MLYCD: variants seen among roughly 807,000 people sequenced by gnomAD.
The protein encoded by MLYCD is malonyl-CoA decarboxylase, mitochondrial.
In MLYCD, 27 loss-of-function variants were observed where a neutral mutation model predicts 35.8. That is an observed-to-expected ratio of 0.75 (90% CI 0.56 to 1.04). MLYCD has a LOEUF of 1.04. Ranked by LOEUF, MLYCD falls within the 50% of genes least tolerant of loss-of-function variation. The pLI, the probability that MLYCD is intolerant of heterozygous loss-of-function variation, is 0.00. For missense variants in MLYCD, 917 were observed against 665.1 expected, an observed-to-expected ratio of 1.38 and a Z score of -4.17; for synonymous variants, 403 against 302.4, an observed-to-expected ratio of 1.33 and a Z score of -3.45.
At chr16:83,912,459 A>T in intron 4 of MLYCD, 92 bp downstream of exon 4, 2 of 1,542,830 alleles carry the variant, frequency 1.3e-6, no homozygotes, top group Non-Finnish European at 1.8e-6. Context: ...TGAGGGACAC[A>T]GATGAAGACA....
At chr16:83,910,711 A>G (rs1784546180) in intron 3 of MLYCD, among the ~76,000 whole-genome samples, 1 of 151,012 alleles carries the variant, frequency 6.6e-6, no homozygotes, top group Admixed American at 6.6e-5. Context: ...AAAAAAAGAA[A>G]GGAGATAAGC....
Position 83,916,207 on chromosome 16 carries a change from T to C in MLYCD, c.*718T>C. ...ACATCTGATTGTGTAGTGGTGGTCG[T>C]CTTTAAGATTAGAGACCTGGGAAGG... On this transcript the variant is annotated 3_prime_UTR_variant, in exon 5 of 5. Transcript: ENST00000262430. 2 of 987,516 alleles carry C rather than the reference T, an allele frequency of 2.0e-6. No homozygotes were observed. The highest frequency in any genetic ancestry group is 2.4e-6 in the Non-Finnish European group (2 of 830,250). 61.2% of individuals were successfully genotyped at this position (987,516 alleles called of 1,614,324 possible). A position where few individuals can be genotyped will look rare whatever the true frequency, so the allele number is the denominator to read the frequency against.
intron 3 of MLYCD, chr16:83,911,927 T>G (rs560509523): frequency 5.0e-4 from 212 of 425,992 alleles, no homozygotes; most frequent in African/African-American, 4.0e-3. Flanking sequence ...CACAAAGGCC[T>G]AAAAGAGACA....
Position 83,920,976 on chromosome 16 carries a change from A to G in MLYCD, c.*5487A>G, listed in dbSNP as rs1907635907. 1 of 149,110 alleles carries G rather than the reference A, an allele frequency of 6.7e-6. No individual in the cohort carries two copies. The highest frequency in any genetic ancestry group is 2.5e-5 in the African/African-American group (1 of 40,050). 9.2% of individuals were successfully genotyped at this position (149,110 alleles called of 1,614,324 possible). ...GGATGGTGGAGGGTTAATGGAAGGA[A>G]GGAAGATGGATGGGTGGAAGGAAGA... On this transcript the variant is annotated 3_prime_UTR_variant, in exon 5 of 5. Transcript: ENST00000262430.
At chr16:83,906,059 A>C (rs79713016) in intron 1 of MLYCD, among the ~76,000 whole-genome samples, 1 of 152,178 alleles carries the variant, frequency 6.6e-6, no homozygotes, top group East Asian at 1.9e-4. Context: ...CAGATACGCT[A>C]TTATTTTATG....
Position 83,899,483 on chromosome 16 carries a change from C to T in MLYCD, c.339C>T (p.Arg113=). 1 of 1,561,390 alleles carries T rather than the reference C, an allele frequency of 6.4e-7. No homozygotes were observed. The highest frequency in any genetic ancestry group is 8.6e-7 in the Non-Finnish European group (1 of 1,164,208). Reference sequence around the variant, plus strand: ...AGAGCGCCGGCGTGCTCCATCTGCGCCAGCAGCAGCGGGAGGCGGCGGTGC... The same window carrying T: ...AGAGCGCCGGCGTGCTCCATCTGCGTCAGCAGCAGCGGGAGGCGGCGGTGC... ...AEQSAGVLHL[R]QQQREAAVLL... The change falls in exon 1 of 5, where the codon CGC becomes CGT. Residue 113 remains arginine (R), a synonymous_variant. Coordinates refer to ENST00000262430, the MANE Select transcript of MLYCD (RefSeq NM_012213.3).
intron 1 of MLYCD, among the ~76,000 whole-genome samples, chr16:83,902,155 G>GTATATATATATATATATA (rs386385269): frequency 1.1e-5 from 1 of 87,318 alleles, no homozygotes; most frequent in African/African-American, 4.6e-5. Flanking sequence ...GTGTGCGTGC[G>GTATATATATATATATATA]TATATATATA....
chr16:83,906,872 A>G, intron 1 of MLYCD, 115 bp from the exon 2 acceptor site: 2 of 900,430 alleles, frequency 2.2e-6, no homozygotes, highest in Non-Finnish European at 3.8e-6. Flanking sequence ...GTTGTCTTGC[A>G]CAATTGTCTT....
At position 83,919,114 on chromosome 16, in the gene MLYCD, A is replaced by T. The variant is rs1250869932; in HGVS notation, c.*3625A>T. 1.3e-5 allele frequency: 2 copies of T among 149,928 alleles called. No individual in the cohort carries two copies. The highest frequency in any genetic ancestry group is 6.6e-5 in the Admixed American group (1 of 15,082). The allele number at this position is 149,928 out of a possible 1,614,324, so 9.3% of individuals were successfully genotyped here. ...CACACACAGTGCACAGAACACAGAC[A>T]CAGTGCACAGGAGAACACACAGTGC... On this transcript the variant is annotated 3_prime_UTR_variant, in exon 5 of 5. Transcript: ENST00000262430.
chr16:83,907,881 A>C (rs1192165088), intron 2 of MLYCD, among the ~76,000 whole-genome samples: 1 of 152,190 alleles, frequency 6.6e-6, no homozygotes, highest in Admixed American at 6.5e-5. Context: ...GGAGCCTCAC[A>C]AACTCCTTTT....
chr16:83,920,507 C>G lies in MLYCD; in HGVS notation c.*5018C>G, dbSNP rs1365943372. On this transcript the variant is annotated 3_prime_UTR_variant, in exon 5 of 5. Transcript: ENST00000262430. ...GCCTGAGGTTCATTCTCGTTCTCTC[C>G]CTCTTCCCTTTCCCCTTCCTCCCTC... 1 of 152,358 alleles carries G rather than the reference C, an allele frequency of 6.6e-6. No individual in the cohort carries two copies. The highest frequency in any genetic ancestry group is 2.4e-5 in the African/African-American group (1 of 41,428). The allele number at this position is 152,358 out of a possible 1,614,324, so 9.4% of individuals were successfully genotyped here.
chr16:83,913,463 C>G (rs942621153), intron 4 of MLYCD: 1 of 152,254 alleles, frequency 6.6e-6, no homozygotes, highest in Non-Finnish European at 1.5e-5. Flanking sequence ...GGCGGCCAGC[C>G]TAGAAGTCCT....
chr16:83,900,582 ATTTTTTTTTTTT>A lies in MLYCD; in HGVS notation c.528+923_528+934del, dbSNP rs1156957811. On this transcript the variant is annotated intron_variant, in intron 1 of 4. Coordinates refer to ENST00000262430, the MANE Select transcript of MLYCD (RefSeq NM_012213.3). Reference sequence around the variant, plus strand: ...AGGTGCAGGCCACCATGCCCGGCTAATTTTTTTTTTTTTTTTTTTTTTTTGTAGAGAGGGCGT... The same window carrying A: ...AGGTGCAGGCCACCATGCCCGGCTAATTTTTTTTTTTTGTAGAGAGGGCGT... 6.4e-4 allele frequency among the ~76,000 whole-genome samples: 77 copies of A among 121,062 alleles called. 1 individual carries two copies. In the South Asian group the frequency reaches 0.02, roughly 31 times the overall value. 79.4% of individuals were successfully genotyped at this position (121,062 alleles called of 152,430 possible). A position where few individuals can be genotyped will look rare whatever the true frequency, so the allele number is the denominator to read the frequency against.
chr16:83,900,412 G>A (rs1906742542), intron 1 of MLYCD, among the ~76,000 whole-genome samples: 1 of 151,854 alleles, frequency 6.6e-6, no homozygotes, highest in African/African-American at 2.4e-5. Flanking sequence ...TATTAAATAC[G>A]GCGAAAAACT....
chr16:83,900,087 T>C (rs980190686), intron 1 of MLYCD, among the ~76,000 whole-genome samples: 18 of 152,198 alleles, frequency 1.2e-4, no homozygotes, highest in African/African-American at 3.9e-4. Context: ...TTTCAGAAGT[T>C]CACTGGGCAC....
intron 3 of MLYCD, among the ~76,000 whole-genome samples, chr16:83,910,547 G>A (rs1331230506): frequency 6.6e-6 from 1 of 151,962 alleles, no homozygotes; most frequent in South Asian, 2.1e-4. Context: ...AAAATTAGCC[G>A]GGTGTGGTGG....
chr16:83,914,751 C>G (rs1907310193), intron 4 of MLYCD: 1 of 683,732 alleles, frequency 1.5e-6, no homozygotes, highest in African/African-American at 1.8e-5. Flanking sequence ...TGCACTCCAG[C>G]TAGGGCAATA....
chr16:83,915,398 AC>A lies in MLYCD; in HGVS notation c.1392del (p.Asn464LysfsTer20). 1.9e-6 allele frequency: 3 copies of A among 1,613,906 alleles called. No individual in the cohort carries two copies. Among genetic ancestry groups the A allele is most frequent in the Non-Finnish European group, 2.5e-6 (3 of 1,180,044 alleles). ...TACTTCCTGGAGGAGACGGGCCCCAACAGCACCTCCTACCTCGGCTCCAAGA... is the reference window on the plus strand; with the variant it reads ...TACTTCCTGGAGGAGACGGGCCCCAAAGCACCTCCTACCTCGGCTCCAAGA... ...YRYFLEETGP[N>X]STSYLGSKII... On this transcript the variant is annotated frameshift_variant, in exon 5 of 5. Coordinates refer to ENST00000262430, the MANE Select transcript of MLYCD (RefSeq NM_012213.3). LOFTEE classifies it high-confidence loss of function.
chr16:83,907,524 GTGTTAGT>G (rs746073139), intron 2 of MLYCD, among the ~76,000 whole-genome samples: 52 of 152,176 alleles, frequency 3.4e-4, no homozygotes, highest in Non-Finnish European at 6.6e-4. Flanking sequence ...ACTATATCAT[GTGTTAGT>G]TACATCCAGG....
Sources: allele counts gnomAD v4.1 joint callset (sites outside exome capture counted in the v4.1 genomes callset), GRCh38; gene constraint gnomAD v4.1.1; transcripts MANE v1.5; gene names NCBI Gene and HGNC (gene_info 2026-07-23, HGNC 2026-07-21).